The following RBM6 variants were observed in gnomAD, a reference collection of about 807,000 sequenced individuals.
RBM6 encodes the protein RNA-binding protein 6.
In RBM6, 23 loss-of-function variants were observed where a neutral mutation model predicts 140.4. The ratio of observed to expected loss-of-function variants is 0.16; its 90% confidence interval spans 0.12 to 0.23. RBM6 has a LOEUF of 0.23. RBM6 is among the 10% of genes least tolerant of loss of function. RBM6 has a pLI of 1.00. For missense variants in RBM6, 1,139 were observed against 1,386.7 expected, an observed-to-expected ratio of 0.82 and a Z score of 2.84; for synonymous variants, 439 against 475.6, an observed-to-expected ratio of 0.92 and a Z score of 1.00.
Position 50,065,226 on chromosome 3 carries a change from C to G in RBM6, c.2682+100C>G, listed in dbSNP as rs1026686393. ...GCTGATGCCTTCCTCTGGTGTTGGT[C>G]TTTTACCTCACTATGTCTCCCGAAT... On this transcript the variant is annotated intron_variant, in intron 16 of 20. Transcript: ENST00000266022. The G allele has an allele frequency of 6.0e-6, 5 of 831,910 alleles. No homozygotes were observed. The African/African-American group carries it at 6.9e-5, about 11-fold the overall frequency. The allele number at this position is 831,910 out of a possible 1,614,324, so 51.5% of individuals were successfully genotyped here. A position where few individuals can be genotyped will look rare whatever the true frequency, so the allele number is the denominator to read the frequency against.
chr3:50,028,511 G>T (rs879485634), intron 6 of RBM6, among the ~76,000 whole-genome samples: 1 of 152,138 alleles, frequency 6.6e-6, no homozygotes, highest in Non-Finnish European at 1.5e-5. Flanking sequence ...AATACTTCTT[G>T]TGGCTCTTCC....
intron 1 of RBM6, among the ~76,000 whole-genome samples, chr3:49,961,827 T>C (rs1006796046): frequency 1.3e-5 from 2 of 150,952 alleles, no homozygotes; most frequent in Non-Finnish European, 3.0e-5. Flanking sequence ...ATTTTTCTTA[T>C]TATAAATTTA....
At chr3:50,003,308 TAAAAA>T (rs61492386) in intron 6 of RBM6, among the ~76,000 whole-genome samples, 1 of 112,780 alleles carries the variant, frequency 8.9e-6, no homozygotes, top group African/African-American at 3.4e-5. Flanking sequence ...TGTCTAAATT[TAAAAA>T]AAAAAAAAAA....
In RBM6 at chr3:49,968,604, T is replaced by A. The variant is rs1294032028; in HGVS notation, c.1179T>A (p.Phe393Leu). 1 of 1,614,078 alleles carries A rather than the reference T, an allele frequency of 6.2e-7. No individual in the cohort carries two copies. The highest frequency in any genetic ancestry group is 8.5e-7 in the Non-Finnish European group (1 of 1,180,014). The change falls in exon 3 of 21, where the codon TTT becomes TTA. Residue 393 changes from phenylalanine (F) to leucine (L), a missense_variant. By Grantham distance (22) the Phe-to-Leu change is conservative (BLOSUM62 0). This residue lies in a region of RBM6 where 566 missense variants were observed against 612.7 expected (regional missense o/e 0.92). Coordinates refer to ENST00000266022, the MANE Select transcript of RBM6 (RefSeq NM_005777.3). ...TTAAAGAAGAAGGCGGTCTGGACTT[T>A]CTTGGGCGGCAAGACACCGATTACA... is the stretch of plus-strand genomic sequence containing the variant. ...GLFKEEGGLD[F>L]LGRQDTDYRS... is the part of the protein sequence containing the mutation.
chr3:49,994,669 G>GGGTGTGTGTGT (rs148704782), intron 5 of RBM6, among the ~76,000 whole-genome samples: 1 of 148,164 alleles, frequency 6.7e-6, no homozygotes, highest in South Asian at 2.2e-4. Context: ...AAGGCTGTGG[G>GGGTGTGTGTGT]GTGTGTGTGT....
At position 49,967,903 on chromosome 3, in the gene RBM6, G is replaced by A. The variant is rs763875021; in HGVS notation, c.478G>A (p.Ala160Thr). 1.9e-6 allele frequency: 3 copies of A among 1,613,910 alleles called. No individual in the cohort carries two copies. The highest frequency in any genetic ancestry group is 4.5e-5 in the East Asian group (2 of 44,878). Reference sequence around the variant, plus strand: ...TCATATGAACTACAGAGACAGGGATGCTCACGCTGTTGACTTCAGAGGTAG... The same window carrying A: ...TCATATGAACTACAGAGACAGGGATACTCACGCTGTTGACTTCAGAGGTAG... ...APHMNYRDRDAHAVDFRGRDA... is the reference protein window; with the variant it reads ...APHMNYRDRDTHAVDFRGRDA... The change falls in exon 3 of 21, where the codon GCT (alanine) becomes ACT (threonine). Residue 160 changes from alanine (A) to threonine (T), a missense_variant. Ala to Thr is a moderately conservative substitution (Grantham distance 58). Transcript: ENST00000266022. This position sits in a 1 kb window ranked among gnomAD's most constrained non-coding sequence, Gnocchi z 4.0.
chr3:49,969,453 G>A (rs904802269), intron 3 of RBM6, among the ~76,000 whole-genome samples: 5 of 144,778 alleles, frequency 3.5e-5, no homozygotes, highest in Non-Finnish European at 6.0e-5. Flanking sequence ...TCATATATAT[G>A]TGTGTGTGTG....
At chr3:49,981,054 C>T (rs543465692) in intron 5 of RBM6, among the ~76,000 whole-genome samples, 1 of 151,738 alleles carries the variant, frequency 6.6e-6, no homozygotes, top group South Asian at 2.1e-4. Flanking sequence ...AGGCGCCTGC[C>T]ACCATGCCCA....
rs35467618 is a variant in RBM6, at chr3:50,060,753, CAAAAAAAAAA to C, written c.2229-189_2229-180del. On this transcript the variant is annotated intron_variant, in intron 11 of 20. Coordinates refer to ENST00000266022, the MANE Select transcript of RBM6 (RefSeq NM_005777.3). ...TGGGCGACAGAGCAAGACTCCGTCTCAAAAAAAAAAAAAAAAAAAAAAAGAGTCTTACTGC... is the reference window on the plus strand; with the variant it reads ...TGGGCGACAGAGCAAGACTCCGTCTCAAAAAAAAAAAAAGAGTCTTACTGC... 2.7e-4 allele frequency: 34 copies of C among 124,876 alleles called. No homozygotes were observed. In the South Asian group the frequency reaches 4.7e-3, roughly 17 times the overall value. The allele number at this position is 124,876 out of a possible 1,614,324, so 7.7% of individuals were successfully genotyped here. A position where few individuals can be genotyped will look rare whatever the true frequency, so the allele number is the denominator to read the frequency against.
At chr3:49,958,193 A>T (rs1248124573) in intron 1 of RBM6, among the ~76,000 whole-genome samples, 1 of 151,988 alleles carries the variant, frequency 6.6e-6, no homozygotes, top group Non-Finnish European at 1.5e-5. Context: ...TGGGAGGCTA[A>T]GGCGGGCGGA....
intron 6 of RBM6, among the ~76,000 whole-genome samples, chr3:50,012,889 T>TG (rs1241211323): frequency 6.6e-6 from 1 of 151,564 alleles, no homozygotes; most frequent in Non-Finnish European, 1.5e-5. Flanking sequence ...ATTACAGCCA[T>TG]GCGCCACCAC....
intron 19 of RBM6, among the ~76,000 whole-genome samples, chr3:50,070,986 G>C (rs1297262079): frequency 6.6e-6 from 1 of 152,182 alleles, no homozygotes; most frequent in Non-Finnish European, 1.5e-5. Context: ...TTCCCAAGTT[G>C]TAAGCCCAGA....
intron 6 of RBM6, among the ~76,000 whole-genome samples, chr3:50,024,958 TC>T (rs1410891677): frequency 6.7e-6 from 1 of 150,088 alleles, no homozygotes; most frequent in Non-Finnish European, 1.5e-5. Flanking sequence ...GCCACTGCAC[TC>T]CAGCCTGGGC....
At chr3:49,998,268 G>C (rs2086175653) in intron 5 of RBM6, among the ~76,000 whole-genome samples, 1 of 152,168 alleles carries the variant, frequency 6.6e-6, no homozygotes, top group African/African-American at 2.4e-5. Context: ...GTTGATCTTT[G>C]ATATTGATGC....
At chr3:49,990,175 G>T (rs530284973) in intron 5 of RBM6, among the ~76,000 whole-genome samples, 1 of 152,142 alleles carries the variant, frequency 6.6e-6, no homozygotes, top group Non-Finnish European at 1.5e-5. Flanking sequence ...TTTGAGAAAT[G>T]GATCAAGTGA....
chr3:50,060,060 G>A (rs949054830), intron 11 of RBM6, among the ~76,000 whole-genome samples: 3 of 151,970 alleles, frequency 2.0e-5, no homozygotes, highest in African/African-American at 7.3e-5. Flanking sequence ...GATGGGGAGC[G>A]GGTTACATGA....
intron 5 of RBM6, among the ~76,000 whole-genome samples, chr3:49,978,533 A>G (rs2085161477): frequency 6.6e-6 from 1 of 152,174 alleles, no homozygotes; most frequent in East Asian, 1.9e-4. Context: ...AGAGCTGTAT[A>G]AGTACAGGGT....
intron 5 of RBM6, among the ~76,000 whole-genome samples, chr3:49,982,026 C>T (rs2085325959): frequency 6.6e-6 from 1 of 152,106 alleles, no homozygotes; most frequent in Admixed American, 6.6e-5. Flanking sequence ...ACTAATGTCA[C>T]AAAGTTAGAG....
intron 6 of RBM6, among the ~76,000 whole-genome samples, chr3:50,038,695 T>C (rs1199723743): frequency 6.6e-6 from 1 of 152,014 alleles, no homozygotes; most frequent in Non-Finnish European, 1.5e-5. Flanking sequence ...CAGCCAGGTG[T>C]GGTGGCCGGC....
Sources: allele counts gnomAD v4.1 joint callset (sites outside exome capture counted in the v4.1 genomes callset), GRCh38; gene constraint gnomAD v4.1.1; regional missense constraint gnomAD v4.1.1; non-coding constraint Gnocchi (gnomAD v3.1); transcripts MANE v1.5; gene names NCBI Gene and HGNC (gene_info 2026-07-23, HGNC 2026-07-21).